MTMR8: variants seen among roughly 807,000 people sequenced by gnomAD.
The protein encoded by MTMR8 is phosphatidylinositol-3,5-bisphosphate 3-phosphatase MTMR8.
Under a neutral mutation model 39.3 loss-of-function variants are expected in MTMR8, and 65 were observed. That is an observed-to-expected ratio of 1.65 (90% CI 1.35 to 2.03). The LOEUF is 2.03. MTMR8 is among the 30% of genes most tolerant of loss of function. The pLI, the probability that MTMR8 is intolerant of heterozygous loss-of-function variation, is 0.00. For missense variants in MTMR8, 777 were observed against 538.9 expected, an observed-to-expected ratio of 1.44 and a Z score of -4.37; for synonymous variants, 245 against 185.2, an observed-to-expected ratio of 1.32 and a Z score of -2.62.
intron 1 of MTMR8, among the ~76,000 whole-genome samples, chrX:64,361,204 G>A (rs1849092274): frequency 9.0e-6 from 1 of 111,439 alleles, no homozygotes; most frequent in African/African-American, 3.2e-5. Context: ...GGTAGTCAAA[G>A]ATTTTCCCTA....
intron 12 of MTMR8, among the ~76,000 whole-genome samples, chrX:64,323,181 AC>A (rs766757867): frequency 3.6e-5 from 4 of 112,500 alleles, no homozygotes; most frequent in Non-Finnish European, 7.5e-5. Flanking sequence ...TCCAGGGGGT[AC>A]CTGCTCAGAG....
At chrX:64,373,919 G>A (rs928586810) in intron 1 of MTMR8, among the ~76,000 whole-genome samples, 4 of 111,573 alleles carry the variant, frequency 3.6e-5, no homozygotes, top group Non-Finnish European at 5.6e-5. Context: ...AAGAAAAAAA[G>A]CCAAATGGAC....
intron 12 of MTMR8, among the ~76,000 whole-genome samples, chrX:64,274,426 A>G (rs1448859740): frequency 8.9e-6 from 1 of 112,255 alleles, no homozygotes; most frequent in East Asian, 2.8e-4. Flanking sequence ...ACCACAACAT[A>G]CCAAAACATG....
chrX:64,278,934 C>T (rs1341567022), intron 12 of MTMR8, among the ~76,000 whole-genome samples: 4 of 111,948 alleles, frequency 3.6e-5, no homozygotes, highest in African/African-American at 6.5e-5. Flanking sequence ...CTGTTCCTTC[C>T]TCTGGAAGCT....
chrX:64,387,621 G>A (rs889230926), intron 1 of MTMR8, among the ~76,000 whole-genome samples: 3 of 108,553 alleles, frequency 2.8e-5, no homozygotes, highest in African/African-American at 1.0e-4. Flanking sequence ...AAGCACTACC[G>A]GTAGTGCTTT....
chrX:64,365,425 T>C (rs1923920613), intron 1 of MTMR8, among the ~76,000 whole-genome samples: 1 of 111,916 alleles, frequency 8.9e-6, no homozygotes, highest in African/African-American at 3.3e-5. Flanking sequence ...GCAGAAATTC[T>C]ACAAGCCAGA....
chrX:64,308,798 A>AT (rs930338834), intron 12 of MTMR8, among the ~76,000 whole-genome samples: 20 of 111,199 alleles, frequency 1.8e-4, no homozygotes, highest in East Asian at 5.7e-4. Context: ...TCTAGATTCA[A>AT]TTTTTTTCTT....
chrX:64,338,260 G>A (rs1283568044), intron 8 of MTMR8, among the ~76,000 whole-genome samples: 1 of 111,975 alleles, frequency 8.9e-6, no homozygotes, highest in Admixed American at 9.5e-5. Context: ...GAGGCACTAT[G>A]ATGTGCATTG....
chrX:64,311,854 T>C (rs1321491816), intron 12 of MTMR8, among the ~76,000 whole-genome samples: 5 of 106,834 alleles, frequency 4.7e-5, no homozygotes, highest in African/African-American at 1.0e-4. Context: ...TTCGGTTCCA[T>C]TGGTTTATAT....
At chrX:64,366,958 C>A (rs1923981092) in intron 1 of MTMR8, among the ~76,000 whole-genome samples, 1 of 111,423 alleles carries the variant, frequency 9.0e-6, no homozygotes, top group Non-Finnish European at 1.9e-5. Flanking sequence ...AACTAACTAC[C>A]ATCAGAGAAT....
intron 12 of MTMR8, among the ~76,000 whole-genome samples, chrX:64,307,978 G>A (rs973230335): frequency 5.4e-5 from 6 of 111,574 alleles, no homozygotes; most frequent in African/African-American, 1.6e-4. Context: ...TTCAATGTCT[G>A]TATGTTCATT....
chrX:64,268,653 A>G lies in MTMR8; in HGVS notation c.1999T>C (p.Ser667Pro), dbSNP rs1931684876. 8.3e-7 allele frequency: 1 copy of G among 1,209,814 alleles called. No homozygotes were observed. Among genetic ancestry groups the G allele is most frequent in the African/African-American group, 1.8e-5 (1 of 57,050 alleles). Reference protein sequence around the residue: ...AMDISEATGISGNLGISEARG... With the variant: ...AMDISEATGIPGNLGISEARG... The stretch of plus-strand genomic sequence containing the variant: ...GCCTCAGAAATACCCAAGTTTCCAG[A>G]GATGCCAGTGGCCTCAGAGATGTCC... Residue 667 changes from serine (S) to proline (P), a missense_variant, in exon 14 of 14, where the codon TCT becomes CCT. Physicochemically the swap from Ser to Pro is moderately conservative, Grantham distance 74. Transcript: ENST00000374852.
chrX:64,273,751 G>A (rs4314796), intron 12 of MTMR8, among the ~76,000 whole-genome samples: 26,524 of 110,509 alleles, frequency 0.24, 7,570 homozygotes, highest in African/African-American at 0.82. Flanking sequence ...GCTGAAAGTG[G>A]AGGGATAAAA....
rs56132040 is a variant in MTMR8, at chrX:64,278,460, G to GTTTTT, written c.1482-7392_1482-7388dup. On this transcript the variant is annotated intron_variant, in intron 12 of 13. Transcript: ENST00000374852. ...GATGTTGATGCTATTTATTTTGCTG[G>GTTTTT]TTTTTTTTTTTTTTTTTTTTTTTTT... 6.9e-4 allele frequency among the ~76,000 whole-genome samples: 17 copies of GTTTTT among 24,689 alleles called. 5 individuals carry two copies. Among genetic ancestry groups the GTTTTT allele is most frequent in the Non-Finnish European group, 9.8e-4 (12 of 12,267 alleles). The allele number at this position is 24,689 out of a possible 115,157, so 21.4% of individuals were successfully genotyped here. A position where few individuals can be genotyped will look rare whatever the true frequency, so the allele number is the denominator to read the frequency against.
At position 64,324,226 on chromosome X, in the gene MTMR8, G is replaced by T. The variant is rs771233563; in HGVS notation, c.1481+4546C>A. Among the ~76,000 whole-genome samples the T allele has an allele frequency of 4.5e-5, 5 of 110,439 alleles. No individual in the cohort carries two copies. In the South Asian group the frequency reaches 1.9e-3, roughly 43 times the overall value. ...AAAAAATTAAGATTAGCCAGGTGTG[G>T]TTGCATGTACCAGTAGTCCTAGCCA... is the stretch of plus-strand genomic sequence containing the variant. On this transcript the variant is annotated intron_variant, in intron 12 of 13. Transcript: ENST00000374852.
intron 12 of MTMR8, among the ~76,000 whole-genome samples, chrX:64,282,835 C>T (rs1921008291): frequency 9.0e-6 from 1 of 110,988 alleles, no homozygotes; most frequent in Admixed American, 9.5e-5. Flanking sequence ...GAGTTAATAT[C>T]CAGAAGGGGA....
At chrX:64,380,944 G>A (rs186432673) in intron 1 of MTMR8, among the ~76,000 whole-genome samples, 1,550 of 111,958 alleles carry the variant, frequency 0.014, 25 homozygotes, top group African/African-American at 0.048. Flanking sequence ...TTAGGGCTGC[G>A]TAGTATTCCA....
At chrX:64,341,253 T>C (rs1044348993) in intron 8 of MTMR8, among the ~76,000 whole-genome samples, 6 of 111,460 alleles carry the variant, frequency 5.4e-5, no homozygotes, top group Non-Finnish European at 9.4e-5. Flanking sequence ...CCAAGGCTGG[T>C]GGATCACCTG....
At chrX:64,291,844 C>T (rs1439106889) in intron 12 of MTMR8, among the ~76,000 whole-genome samples, 1 of 111,703 alleles carries the variant, frequency 9.0e-6, no homozygotes, top group African/African-American at 3.3e-5. Context: ...AGTGGTAGTG[C>T]CAGTATTTGA....
Sources: allele counts gnomAD v4.1 joint callset (sites outside exome capture counted in the v4.1 genomes callset), GRCh38; gene constraint gnomAD v4.1.1; transcripts MANE v1.5; gene names NCBI Gene and HGNC (gene_info 2026-07-23, HGNC 2026-07-21).